EPB41L4A: variants seen among roughly 807,000 people sequenced by gnomAD.
EPB41L4A encodes band 4.1-like protein 4A.
A neutral mutation model predicts 108.6 loss-of-function variants in EPB41L4A; 100 were observed. That is an observed-to-expected ratio of 0.92 (90% confidence interval 0.78 to 1.09). EPB41L4A has a LOEUF of 1.09. Ranked by LOEUF, EPB41L4A falls within the 50% of genes least tolerant of loss-of-function variation. EPB41L4A has a pLI of 0.00. For missense variants in EPB41L4A, 1,030 were observed against 842.7 expected (o/e 1.22, Z -2.75); for synonymous variants, 319 against 289.0 (o/e 1.10, Z -1.05).
rs1213188862 is a variant in EPB41L4A, at chr5:112,184,605, T to C, written c.1503-470A>G. Among the ~76,000 whole-genome samples, 3 of 152,330 alleles carry C rather than the reference T, an allele frequency of 2.0e-5. No homozygotes were observed. The East Asian group carries it at 5.8e-4, about 29-fold the overall frequency. ...AATAGGTGCCAAATATAATTCCCAT[T>C]TTTTGAGAGAGAAATCTAGAAGTAC... is the stretch of plus-strand genomic sequence containing the variant. On this transcript the variant is annotated intron_variant, in intron 17 of 22. Coordinates refer to ENST00000261486, the MANE Select transcript of EPB41L4A (RefSeq NM_022140.5).
intron 9 of EPB41L4A, among the ~76,000 whole-genome samples, chr5:112,256,317 C>A (rs1352790856): frequency 6.6e-6 from 1 of 152,086 alleles, no homozygotes; most frequent in African/African-American, 2.4e-5. Flanking sequence ...ATCAAGGATG[C>A]CTTATACTGC....
chr5:112,335,885 C>CT (rs1293116303), intron 1 of EPB41L4A, among the ~76,000 whole-genome samples: 1 of 152,198 alleles, frequency 6.6e-6, no homozygotes, highest in Non-Finnish European at 1.5e-5. Flanking sequence ...TCCCCTCACT[C>CT]TGAGGGTCCA....
intron 1 of EPB41L4A, among the ~76,000 whole-genome samples, chr5:112,316,461 C>A (rs1275996644): frequency 1.3e-5 from 2 of 152,122 alleles, no homozygotes; most frequent in Non-Finnish European, 2.9e-5. Context: ...AGGAGACATT[C>A]TTCAGGTACC....
In EPB41L4A at chr5:112,260,756, T is replaced by C. The variant is rs540764435; in HGVS notation, c.643-777A>G. On this transcript the variant is annotated intron_variant, in intron 7 of 22. Transcript: ENST00000261486. ...AGTCATAGAGTAGATACCAAGGACA[T>C]GCACAGCACTGTTTGTGAGAATGTT... 2.0e-4 allele frequency among the ~76,000 whole-genome samples: 31 copies of C among 152,340 alleles called. 1 individual carries two copies. Among genetic ancestry groups the C allele is most frequent in the African/African-American group, 7.5e-4 (31 of 41,574 alleles).
chr5:112,278,507 C>T (rs1752754664), intron 3 of EPB41L4A, among the ~76,000 whole-genome samples: 1 of 152,000 alleles, frequency 6.6e-6, no homozygotes, highest in Admixed American at 6.5e-5. Context: ...CTGCCTCAGC[C>T]ACCCAAACTG....
chr5:112,221,005 T>G (rs1160490849), intron 12 of EPB41L4A, among the ~76,000 whole-genome samples: 9 of 152,206 alleles, frequency 5.9e-5, no homozygotes, highest in African/African-American at 1.7e-4. Flanking sequence ...GGGTCTTCAT[T>G]TCTAAAGGCT....
chr5:112,293,890 C>T (rs373161472), intron 2 of EPB41L4A, among the ~76,000 whole-genome samples: 154 of 152,324 alleles, frequency 1.0e-3, no homozygotes, highest in African/African-American at 2.7e-3. Flanking sequence ...CTCTTCCTTT[C>T]CTATTAAACA....
chr5:112,187,366 G>A (rs972051555), intron 17 of EPB41L4A, among the ~76,000 whole-genome samples: 1 of 152,110 alleles, frequency 6.6e-6, no homozygotes, highest in Admixed American at 6.5e-5. Context: ...CAAGGTTTTT[G>A]TTTTTCAGTT....
rs201809605 is a variant in EPB41L4A at position 112,165,009 on chromosome 5, C to T, written c.2042G>A (p.Arg681His). Residue 681 changes from arginine (R) to histidine (H), a missense_variant, in exon 23 of 23, where the codon CGC becomes CAC. Transcript: ENST00000261486. ...AKTIKTIQAS[R>H]LKTET is the part of the protein sequence containing the mutation. ...TCAGGATCAAGTCTCTGTCTTGAGGCGGGAAGCTTGTATAGTTTTTATTGT... is the reference window on the plus strand; with the variant it reads ...TCAGGATCAAGTCTCTGTCTTGAGGTGGGAAGCTTGTATAGTTTTTATTGT... The T allele has an allele frequency of 4.2e-4, 680 of 1,613,480 alleles. 1 individual carries two copies. Among genetic ancestry groups the T allele is most frequent in the Non-Finnish European group, 5.4e-4 (633 of 1,179,858 alleles).
chr5:112,188,945 C>G (rs1272766337), intron 17 of EPB41L4A, among the ~76,000 whole-genome samples: 1 of 152,200 alleles, frequency 6.6e-6, no homozygotes, highest in Non-Finnish European at 1.5e-5. Context: ...TATTGTCCCT[C>G]TTACAGTGCC....
chr5:112,362,380 G>C (rs910527331), intron 1 of EPB41L4A, among the ~76,000 whole-genome samples: 7 of 149,460 alleles, frequency 4.7e-5, no homozygotes, highest in African/African-American at 1.7e-4. Context: ...TCCCACATTC[G>C]AGCGATTCTC....
intron 18 of EPB41L4A, among the ~76,000 whole-genome samples, chr5:112,178,802 A>G (rs1215237089): frequency 6.6e-6 from 1 of 152,020 alleles, no homozygotes; most frequent in Non-Finnish European, 1.5e-5. Context: ...ATTTATGCTT[A>G]TATTGGAAAA....
At chr5:112,387,146 A>G (rs1028169844) in intron 1 of EPB41L4A, among the ~76,000 whole-genome samples, 3 of 152,194 alleles carry the variant, frequency 2.0e-5, no homozygotes, top group Admixed American at 2.0e-4. Flanking sequence ...CCAGAGGGCT[A>G]CTGGTGACAG....
intron 1 of EPB41L4A, among the ~76,000 whole-genome samples, chr5:112,399,707 T>A (rs1187012004): frequency 1.3e-5 from 2 of 152,206 alleles, no homozygotes; most frequent in African/African-American, 4.8e-5. Context: ...TGCTTTGACC[T>A]ATCACACATC....
At chr5:112,151,434 G>A (rs1000180001) in intron 12 of EPB41L4A, among the ~76,000 whole-genome samples, 1 of 150,944 alleles carries the variant, frequency 6.6e-6, no homozygotes, top group Non-Finnish European at 1.5e-5. Context: ...TTGAGACAGA[G>A]TCCTGTTCTG....
At chr5:112,154,275 C>G (rs1303083284) in intron 12 of EPB41L4A, among the ~76,000 whole-genome samples, 1 of 152,196 alleles carries the variant, frequency 6.6e-6, no homozygotes, top group Non-Finnish European at 1.5e-5. Flanking sequence ...AGTGAATACA[C>G]TCTGTACAAC....
chr5:112,156,498 G>GT (rs1485694454), intron 12 of EPB41L4A, among the ~76,000 whole-genome samples: 1 of 152,102 alleles, frequency 6.6e-6, no homozygotes, highest in Non-Finnish European at 1.5e-5. Flanking sequence ...TCTTTATCCC[G>GT]TTTTTTGTTC....
At chr5:112,226,444 T>C (rs965105908) in intron 12 of EPB41L4A, among the ~76,000 whole-genome samples, 4 of 152,210 alleles carry the variant, frequency 2.6e-5, no homozygotes, top group Non-Finnish European at 5.9e-5. Context: ...GTTCCTATTG[T>C]CTGCTTAACA....
At chr5:112,150,596 C>T (rs1343046753) in intron 12 of EPB41L4A, among the ~76,000 whole-genome samples, 1 of 152,070 alleles carries the variant, frequency 6.6e-6, no homozygotes, top group African/African-American at 2.4e-5. Context: ...TCAGGAATCC[C>T]AGTTAATCAT....
Sources: gnomAD v4.1 joint callset for allele counts (sites outside exome capture counted in the v4.1 genomes callset) on GRCh38, gnomAD v4.1.1 for gene constraint, MANE v1.5 for transcripts, NCBI Gene and HGNC (gene_info 2026-07-23, HGNC 2026-07-21) for gene names.